The following EXPH5 variants were observed in gnomAD, a reference collection of about 807,000 sequenced individuals.
EXPH5 encodes exophilin-5.
EXPH5 carries 42 observed loss-of-function variants against 41.1 expected under a neutral mutation model. That is an observed-to-expected ratio of 1.02 (90% CI 0.80 to 1.32). The LOEUF (loss-of-function observed/expected upper bound fraction) is 1.32. Ranked by LOEUF, EXPH5 falls within the 40% of genes most tolerant of loss-of-function variation. EXPH5 has a pLI of 0.00. For missense variants in EXPH5, 2,298 were observed against 2,314.5 expected, an observed-to-expected ratio of 0.99 and a Z score of 0.15; for synonymous variants, 798 against 833.5, an observed-to-expected ratio of 0.96 and a Z score of 0.73.
intron 1 of EXPH5, among the ~76,000 whole-genome samples, chr11:108,569,517 T>C (rs2136096920): frequency 6.6e-6 from 1 of 152,212 alleles, no homozygotes; most frequent in South Asian, 2.1e-4. Context: ...TTTTTGTATT[T>C]TGAGTAGAGA....
At chr11:108,562,846 T>C (rs1403870929) in intron 1 of EXPH5, among the ~76,000 whole-genome samples, 2 of 150,896 alleles carry the variant, frequency 1.3e-5, no homozygotes, top group Non-Finnish European at 2.9e-5. Flanking sequence ...AAATCACTCA[T>C]AACTCCCACT....
At chr11:108,590,630 C>CT (rs767869166) in intron 1 of EXPH5, among the ~76,000 whole-genome samples, 102 of 151,886 alleles carry the variant, frequency 6.7e-4, no homozygotes, top group Non-Finnish European at 1.2e-3. Flanking sequence ...CACTGTAGTT[C>CT]TTTTTTAAAA....
At chr11:108,563,694 T>C (rs11599962) in intron 1 of EXPH5, among the ~76,000 whole-genome samples, 19,988 of 152,120 alleles carry the variant, frequency 0.13, 1,457 homozygotes, top group East Asian at 0.22. Context: ...AACTTAAACC[T>C]GCCTCCCAGC....
At chr11:108,575,620 T>C (rs1302418239) in intron 1 of EXPH5, among the ~76,000 whole-genome samples, 1 of 152,224 alleles carries the variant, frequency 6.6e-6, no homozygotes, top group African/African-American at 2.4e-5. Context: ...AAGGGGTTAT[T>C]TTTATGTTAT....
Position 108,513,228 on chromosome 11 carries a change from G to T in EXPH5, c.2279C>A (p.Ala760Glu), listed in dbSNP as rs1237449724. 1.4e-5 allele frequency: 22 copies of T among 1,613,396 alleles called. No homozygotes were observed. The highest frequency in any genetic ancestry group is 1.9e-5 in the Non-Finnish European group (22 of 1,179,810). The change falls in exon 6 of 6, where the codon GCA (alanine) becomes GAA (glutamate). Residue 760 changes from alanine to glutamate, a missense_variant. By Grantham distance (107) the Ala-to-Glu change is moderately radical. Transcript: ENST00000265843. ...CTTTTTTGAACTTATTATGGTAGAT[G>T]CATTAAAACCAAACCCGTTGCTCTT... The part of the protein sequence containing the change: ...SAKSNGFGFN[A>E]STIISSKKSP...
At chr11:108,557,615 TG>T (rs1410150545) in intron 1 of EXPH5, among the ~76,000 whole-genome samples, 3 of 152,324 alleles carry the variant, frequency 2.0e-5, no homozygotes, top group Non-Finnish European at 2.9e-5. Flanking sequence ...CCCGAAGTGC[TG>T]GGATTACAGG....
chr11:108,580,916 GAGA>G (rs974249073), intron 1 of EXPH5, among the ~76,000 whole-genome samples: 3 of 152,336 alleles, frequency 2.0e-5, no homozygotes, highest in East Asian at 1.9e-4. Flanking sequence ...GGAAAGGAAG[GAGA>G]AGGAGAGACT....
chr11:108,547,089 C>A (rs1045971628), intron 1 of EXPH5, among the ~76,000 whole-genome samples: 2 of 152,214 alleles, frequency 1.3e-5, no homozygotes, highest in Non-Finnish European at 2.9e-5. Context: ...GTGTGAGCCA[C>A]TGCGCCTGGC....
At chr11:108,572,789 C>T (rs983272007) in intron 1 of EXPH5, among the ~76,000 whole-genome samples, 1 of 152,084 alleles carries the variant, frequency 6.6e-6, no homozygotes, top group Admixed American at 6.6e-5. Flanking sequence ...GAACTCCTGA[C>T]CTTAGGTGAT....
intron 1 of EXPH5, among the ~76,000 whole-genome samples, chr11:108,553,497 A>G (rs904051804): frequency 4.1e-4 from 63 of 152,314 alleles, no homozygotes; most frequent in African/African-American, 1.4e-3. Flanking sequence ...CTAGGTTTAC[A>G]TGATCCCTTT....
chr11:108,566,061 G>T (rs1228111603), intron 1 of EXPH5, among the ~76,000 whole-genome samples: 1 of 152,158 alleles, frequency 6.6e-6, no homozygotes, highest in Admixed American at 6.5e-5. Context: ...TCTATTGGTG[G>T]AAAAAGATAT....
intron 1 of EXPH5, among the ~76,000 whole-genome samples, chr11:108,583,933 C>G (rs893899304): frequency 3.3e-5 from 5 of 152,062 alleles, no homozygotes; most frequent in African/African-American, 7.2e-5. Flanking sequence ...ATCTGCCCCC[C>G]TCAAAAAAGA....
chr11:108,516,071 C>CA (rs35633613), intron 5 of EXPH5, among the ~76,000 whole-genome samples: 31,437 of 84,260 alleles, frequency 0.37, 5,026 homozygotes, highest in East Asian at 0.7. Context: ...GACTCCGTCT[C>CA]AAAAAAAAAA....
chr11:108,599,663 T>C, the EXPH5 span, among the ~76,000 whole-genome samples: 1 of 152,238 alleles, frequency 6.6e-6, no homozygotes, highest in East Asian at 1.9e-4. Flanking sequence ...CATTCTTCCT[T>C]ATAGCAATTC....
intron 4 of EXPH5, among the ~76,000 whole-genome samples, chr11:108,518,986 C>T (rs368137034): frequency 1.2e-4 from 19 of 152,222 alleles, no homozygotes; most frequent in African/African-American, 4.6e-4. Flanking sequence ...CATGAATAAC[C>T]CACCCCTTGT....
In EXPH5 at chr11:108,514,091, C is replaced by T. The variant is rs756201848; in HGVS notation, c.1416G>A (p.Gln472=). ...AAAAAGGACCTTGTCCAAATCTCCTCTGTTCTCCGCTTCGTCCAAAGGTAT... is the reference window on the plus strand; with the variant it reads ...AAAAAGGACCTTGTCCAAATCTCCTTTGTTCTCCGCTTCGTCCAAAGGTAT... ...FSNTFGRSGE[Q]RRFGQGPFWG... Residue 472 remains glutamine (Q), a synonymous_variant, in exon 6 of 6, where the codon CAG becomes CAA. Transcript: ENST00000265843. 4 of 1,613,884 alleles carry T rather than the reference C, an allele frequency of 2.5e-6. No individual in the cohort carries two copies. Among genetic ancestry groups the T allele is most frequent in the Non-Finnish European group, 2.5e-6 (3 of 1,179,918 alleles).
Position 108,513,416 on chromosome 11 carries a change from T to C in EXPH5, c.2091A>G (p.Val697=), listed in dbSNP as rs2135923444. ...ATTCATTTAAGTCTTTCTCATTATTTACTTCTGTGACCAAGATATTGGGCT... is the reference window on the plus strand; with the variant it reads ...ATTCATTTAAGTCTTTCTCATTATTCACTTCTGTGACCAAGATATTGGGCT... ...KSQPNILVTE[V]NNEKDLNESI... is the part of the protein sequence containing the mutation. The change falls in exon 6 of 6, where the codon GTA becomes GTG. Residue 697 remains valine, a synonymous_variant. Transcript: ENST00000265843. 1.2e-6 allele frequency: 2 copies of C among 1,613,618 alleles called. No individual in the cohort carries two copies. Among genetic ancestry groups the C allele is most frequent in the Non-Finnish European group, 1.7e-6 (2 of 1,179,842 alleles).
chr11:108,590,523 G>C (rs2094124941), intron 1 of EXPH5, among the ~76,000 whole-genome samples: 1 of 152,174 alleles, frequency 6.6e-6, no homozygotes, highest in Admixed American at 6.5e-5. Flanking sequence ...AAAGTTCTAT[G>C]TGTTCAGGAA....
At chr11:108,560,710 T>C (rs1384056014) in intron 1 of EXPH5, among the ~76,000 whole-genome samples, 3 of 152,218 alleles carry the variant, frequency 2.0e-5, no homozygotes, top group African/African-American at 2.4e-5. Context: ...GGAATAATTA[T>C]AGAACAAAAT....
Sources: gnomAD v4.1 joint callset for allele counts (sites outside exome capture counted in the v4.1 genomes callset) on GRCh38, gnomAD v4.1.1 for gene constraint, MANE v1.5 for transcripts, NCBI Gene and HGNC (gene_info 2026-07-23, HGNC 2026-07-21) for gene names.